Variants in LMO7 observed in about 807,000 individuals in gnomAD.
The protein encoded by LMO7 is LIM domain only protein 7.
A neutral mutation model predicts 206.5 loss-of-function variants in LMO7; 120 were observed. The ratio of observed to expected loss-of-function variants is 0.58; its 90% confidence interval spans 0.50 to 0.68. The LOEUF is 0.68. Ranked by LOEUF, LMO7 falls within the 30% of genes least tolerant of loss-of-function variation. The pLI, the probability that LMO7 is intolerant of heterozygous loss-of-function variation, is 0.00. For missense variants in LMO7, 1,959 were observed against 1,957.9 expected (o/e 1.00, Z -0.01); for synonymous variants, 706 against 681.5 (o/e 1.04, Z -0.56).
chr13:75,653,561 G>T (rs2037778137), intron 1 of LMO7, among the ~76,000 whole-genome samples: 1 of 152,200 alleles, frequency 6.6e-6, no homozygotes, highest in South Asian at 2.1e-4. Flanking sequence ...TGAATTCAGT[G>T]CTTTGTGCAT....
chr13:75,711,623 T>C (rs2043132954), intron 1 of LMO7, among the ~76,000 whole-genome samples: 1 of 152,154 alleles, frequency 6.6e-6, no homozygotes, highest in African/African-American at 2.4e-5. Flanking sequence ...GCACCCCCCC[T>C]GTCCTGCACC....
intron 1 of LMO7, among the ~76,000 whole-genome samples, chr13:75,653,378 T>A (rs1245023515): frequency 3.3e-5 from 5 of 152,182 alleles, no homozygotes; most frequent in African/African-American, 1.2e-4. Context: ...ATGATGTCCA[T>A]TCTGTGAATG....
At chr13:75,690,015 C>T (rs1001983727) in intron 1 of LMO7, among the ~76,000 whole-genome samples, 4 of 151,854 alleles carry the variant, frequency 2.6e-5, no homozygotes, top group Non-Finnish European at 4.4e-5. Context: ...GAAAGAGAAC[C>T]GAAGAGAACC....
At chr13:75,831,804 G>C (rs572537267) in intron 15 of LMO7, among the ~76,000 whole-genome samples, 1 of 152,210 alleles carries the variant, frequency 6.6e-6, no homozygotes, top group African/African-American at 2.4e-5. Context: ...ACCTGTTAAA[G>C]GTAACACTTC....
intron 4 of LMO7, among the ~76,000 whole-genome samples, chr13:75,780,832 G>C (rs2051218796): frequency 6.6e-6 from 1 of 152,148 alleles, no homozygotes; most frequent in Admixed American, 6.5e-5. Context: ...TTCTGCCGTG[G>C]CTTCAGCTGG....
exon 1 of LMO7, chr13:75,621,653 G>A (rs2033319621): frequency 2.4e-6 from 3 of 1,264,336 alleles, no homozygotes; most frequent in Non-Finnish European, 3.3e-6. Flanking sequence ...CAATATATGG[G>A]TACGGTCTAA....
At chr13:75,711,159 A>G (rs1229032784) in intron 1 of LMO7, among the ~76,000 whole-genome samples, 2 of 152,210 alleles carry the variant, frequency 1.3e-5, no homozygotes, top group Non-Finnish European at 2.9e-5. Context: ...CCAGTTGATC[A>G]TGGTGGATAA....
intron 4 of LMO7, among the ~76,000 whole-genome samples, chr13:75,793,546 G>A (rs2053594493): frequency 6.6e-6 from 1 of 152,190 alleles, no homozygotes; most frequent in Admixed American, 6.5e-5. Flanking sequence ...AAAGTGCTGG[G>A]ATTACAGGCA....
chr13:75,711,576 G>A (rs184203168), intron 1 of LMO7, among the ~76,000 whole-genome samples: 76 of 152,314 alleles, frequency 5.0e-4, no homozygotes, highest in African/African-American at 1.6e-3. Flanking sequence ...TGGGCGAGAC[G>A]ATGCCTCGCC....
intron 25 of LMO7, 56 bp downstream of exon 25, chr13:75,842,972 C>A: frequency 9.5e-7 from 1 of 1,053,010 alleles, no homozygotes; most frequent in Non-Finnish European, 1.5e-6. Context: ...AGACAATATT[C>A]CAGAGCTTGC....
chr13:75,853,419 T>C, intron 28 of LMO7, 31 bp downstream of exon 28: 1 of 1,522,012 alleles, frequency 6.6e-7, no homozygotes. Context: ...CTTTCTTCTC[T>C]TAGTCTTGGG....
intron 29 of LMO7, among the ~76,000 whole-genome samples, 168 bp from the exon 30 acceptor site, chr13:75,856,338 G>A (rs1194175071): frequency 6.6e-6 from 1 of 151,950 alleles, no homozygotes; most frequent in Non-Finnish European, 1.5e-5. Context: ...CTTATCTGGC[G>A]GTCTTGATTT....
intron 3 of LMO7, among the ~76,000 whole-genome samples, chr13:75,756,273 C>A (rs1354827099): frequency 6.6e-6 from 1 of 152,020 alleles, no homozygotes; most frequent in East Asian, 1.9e-4. Context: ...TGGAATGAAC[C>A]CCAATAAGAT....
At position 75,817,146 on chromosome 13, in the gene LMO7, G is replaced by A; in HGVS notation, c.1947-15G>A. ...ATGTGAACTTCCGTAGTAACCATGAGTCTTTTTGTTGTAGGAGTAAGTCCA... is the reference window on the plus strand; with the variant it reads ...ATGTGAACTTCCGTAGTAACCATGAATCTTTTTGTTGTAGGAGTAAGTCCA... On this transcript the variant is annotated splice_polypyrimidine_tract_variant and intron_variant, in intron 11 of 30. Transcript: ENST00000377534. The A allele has an allele frequency of 5.7e-6, 9 of 1,586,638 alleles. No individual in the cohort carries two copies. The highest frequency in any genetic ancestry group is 7.8e-6 in the Non-Finnish European group (9 of 1,155,858).
chr13:75,728,853 G>A (rs2044778331), intron 3 of LMO7, among the ~76,000 whole-genome samples: 1 of 141,378 alleles, frequency 7.1e-6, no homozygotes, highest in African/African-American at 2.8e-5. Context: ...TGGCTAGCCA[G>A]TTTTCCCAGC....
At chr13:75,622,372 A>G (rs1431030980) in intron 1 of LMO7, 3 of 152,272 alleles carry the variant, frequency 2.0e-5, no homozygotes, top group Non-Finnish European at 4.4e-5. Context: ...CATAAGACAT[A>G]CAAGGTGGTA....
chr13:75,804,242 G>GCCTAA, intron 7 of LMO7, 47 bp from the exon 8 acceptor site: 1 of 1,580,536 alleles, frequency 6.3e-7, no homozygotes, highest in Non-Finnish European at 8.6e-7. Flanking sequence ...GTTTCAGTTA[G>GCCTAA]GCGAATAATC....
rs2054630728 is a variant in LMO7 at position 75,800,816 on chromosome 13, G to A, written c.595G>A (p.Asp199Asn). 6.2e-7 allele frequency: 1 copy of A among 1,614,100 alleles called. No homozygotes were observed. ...HKREDSFESL[D>N]SLGSRSLTSC... ...GAGAGAAGATTCCTTTGAAAGCTTG[G>A]ACTCTTTGGGCTCGAGGTCATTGAC... Residue 199 changes from aspartate to asparagine, a missense_variant, in exon 7 of 31, where the codon GAC becomes AAC. Coordinates refer to ENST00000377534, the MANE Select transcript of LMO7 (RefSeq NM_001306080.2).
In LMO7 at chr13:75,783,285, T is replaced by A. The variant is rs1209836673; in HGVS notation, c.318-12116T>A. On this transcript the variant is annotated intron_variant, in intron 4 of 30. Coordinates refer to ENST00000377534, the MANE Select transcript of LMO7 (RefSeq NM_001306080.2). ...AGTTGGTTACACTTGCTAGAAATATTTTGCAATATCATTGTAATGGATAAA... is the reference window on the plus strand; with the variant it reads ...AGTTGGTTACACTTGCTAGAAATATATTGCAATATCATTGTAATGGATAAA... Among the ~76,000 whole-genome samples, 9 of 152,284 alleles carry A rather than the reference T, an allele frequency of 5.9e-5. No individual in the cohort carries two copies. In the South Asian group the frequency reaches 1.9e-3, roughly 32 times the overall value.
Sources: gnomAD v4.1 joint callset for allele counts (sites outside exome capture counted in the v4.1 genomes callset) on GRCh38, gnomAD v4.1.1 for gene constraint, MANE v1.5 for transcripts, NCBI Gene and HGNC (gene_info 2026-07-23, HGNC 2026-07-21) for gene names.